Variants in LGSN observed in about 807,000 individuals in gnomAD.
The protein encoded by LGSN is lengsin, lens protein with glutamine synthetase domain, also known as lengsin.
LGSN carries 21 observed loss-of-function variants against 19.5 expected under a neutral mutation model. The ratio of observed to expected loss-of-function variants is 1.07; its 90% confidence interval spans 0.76 to 1.55. LGSN has a LOEUF of 1.55. Among genes scored for constraint, LGSN ranks in the 40% most tolerant of loss-of-function variants. The probability of loss-of-function intolerance (pLI) is 0.00; values close to 1 mark genes in which losing one functional copy is unlikely to be tolerated. For synonymous variants in LGSN, 257 were observed against 215.6 expected (o/e 1.19, Z -1.68); for missense variants, 673 against 608.5 (o/e 1.11, Z -1.12).
the LGSN span, chr6:63,549,070 G>A: frequency 1.4e-6 from 1 of 716,110 alleles, no homozygotes; most frequent in Non-Finnish European, 2.6e-6. Flanking sequence ...TTATTCTCTA[G>A]CAAGGTGGTG....
chr6:63,358,740 A>G, the LGSN span, among the ~76,000 whole-genome samples: 19,902 of 152,124 alleles, frequency 0.13, 2,866 homozygotes, highest in African/African-American at 0.36. Context: ...GGGCTGAGAC[A>G]ATGGGGTTTT....
chr6:63,528,090 T>C, the LGSN span: 1 of 152,200 alleles, frequency 6.6e-6, no homozygotes, highest in African/African-American at 2.4e-5. Context: ...GGCAGGTAAG[T>C]GTGACTTCCT....
chr6:63,412,487 A>AG, the LGSN span, among the ~76,000 whole-genome samples: 115 of 67,348 alleles, frequency 1.7e-3, 2 homozygotes, highest in African/African-American at 5.8e-3. Flanking sequence ...GAAAGAGAAG[A>AG]AAGAAAGAAA....
the LGSN span, among the ~76,000 whole-genome samples, chr6:63,420,578 C>T: frequency 6.6e-6 from 1 of 152,130 alleles, no homozygotes; most frequent in East Asian, 1.9e-4. Context: ...TCATTAGAGG[C>T]CTAGTTAGGA....
the LGSN span, among the ~76,000 whole-genome samples, chr6:63,472,665 G>A: frequency 1.3e-5 from 2 of 152,188 alleles, no homozygotes; most frequent in African/African-American, 2.4e-5. Context: ...TTCGGGCCGG[G>A]CGCGGTGGCT....
At chr6:63,282,308 A>T (rs536479559) in intron 3 of LGSN, among the ~76,000 whole-genome samples, 1 of 152,118 alleles carries the variant, frequency 6.6e-6, no homozygotes, top group Non-Finnish European at 1.5e-5. Flanking sequence ...TTAATAAAAC[A>T]CTCTAACAAT....
In LGSN at chr6:63,285,683, T is replaced by C. The variant is rs1307713736; in HGVS notation, c.234A>G (p.Gln78=). The C allele has an allele frequency of 6.2e-7, 1 of 1,613,914 alleles. No individual in the cohort carries two copies. The highest frequency in any genetic ancestry group is 1.7e-5 in the Admixed American group (1 of 60,004). ...ACTGGAGGCGATTTTTGGCCATGGCTTGTCTAATGTGTTTCATTCTAGAAG... is the reference window on the plus strand; with the variant it reads ...ACTGGAGGCGATTTTTGGCCATGGCCTGTCTAATGTGTTTCATTCTAGAAG... The part of the protein sequence containing the change: ...QLSSRMKHIR[Q]AMAKNRLQFV... The change falls in exon 3 of 4, where the codon CAA becomes CAG. Residue 78 remains glutamine, a synonymous_variant. Coordinates refer to ENST00000370657, the MANE Select transcript of LGSN (RefSeq NM_016571.3).
chr6:63,355,700 C>T, the LGSN span, among the ~76,000 whole-genome samples: 1,283 of 152,160 alleles, frequency 8.4e-3, 13 homozygotes, highest in Non-Finnish European at 0.015. Context: ...TGTTTTGAGA[C>T]GGAGTTTCAC....
At chr6:63,316,257 C>A (rs551558206) in intron 1 of LGSN, among the ~76,000 whole-genome samples, 1 of 152,184 alleles carries the variant, frequency 6.6e-6, no homozygotes, top group South Asian at 2.1e-4. Flanking sequence ...ACTGAGAGCT[C>A]TGTGTGAAAG....
At chr6:63,286,344 GT>G (rs555317544) in intron 2 of LGSN, among the ~76,000 whole-genome samples, 9 of 151,872 alleles carry the variant, frequency 5.9e-5, no homozygotes, top group Non-Finnish European at 1.3e-4. Flanking sequence ...AAAAGTGTGG[GT>G]TTTTTTTAAG....
chr6:63,508,617 T>C, the LGSN span, among the ~76,000 whole-genome samples: 2 of 152,052 alleles, frequency 1.3e-5, no homozygotes, highest in Non-Finnish European at 2.9e-5. Flanking sequence ...GAGATGGTTA[T>C]GTTATAAGAG....
chr6:63,319,629 T>G lies in LGSN; in HGVS notation c.30+285A>C, dbSNP rs1272988757. ...ACCAAAATAGAAATAAATTTTTTTATAGCATACTTATGCTTCTGAAACTCA... is the reference window on the plus strand; with the variant it reads ...ACCAAAATAGAAATAAATTTTTTTAGAGCATACTTATGCTTCTGAAACTCA... On this transcript the variant is annotated intron_variant, in intron 1 of 3. Coordinates refer to ENST00000370657, the MANE Select transcript of LGSN (RefSeq NM_016571.3). Among the ~76,000 whole-genome samples, 3 of 152,180 alleles carry G rather than the reference T, an allele frequency of 2.0e-5. No individual in the cohort carries two copies. In the South Asian group the frequency reaches 6.2e-4, roughly 31 times the overall value.
chr6:63,504,051 C>T, the LGSN span, among the ~76,000 whole-genome samples: 1 of 152,056 alleles, frequency 6.6e-6, no homozygotes, highest in Non-Finnish European at 1.5e-5. Flanking sequence ...GAATGCTGAA[C>T]AGTCACACAT....
the LGSN span, among the ~76,000 whole-genome samples, chr6:63,337,736 T>G: frequency 6.9e-6 from 1 of 144,050 alleles, no homozygotes; most frequent in African/African-American, 2.6e-5. Flanking sequence ...CCCAGGAAGT[T>G]GAGCCTGCAG....
At chr6:63,281,785 A>C (rs1227872347) in intron 3 of LGSN, among the ~76,000 whole-genome samples, 1 of 152,206 alleles carries the variant, frequency 6.6e-6, no homozygotes, top group Non-Finnish European at 1.5e-5. Flanking sequence ...TGACAGCTGC[A>C]TTCCTCTCTT....
At chr6:63,531,446 G>T in the LGSN span, among the ~76,000 whole-genome samples, 1 of 149,536 alleles carries the variant, frequency 6.7e-6, no homozygotes, top group African/African-American at 2.5e-5. Context: ...TGCCTACATA[G>T]ACATCACAAA....
chr6:63,558,419 A>G, the LGSN span, among the ~76,000 whole-genome samples: 15 of 152,314 alleles, frequency 9.8e-5, no homozygotes, highest in East Asian at 2.7e-3. Context: ...AGAATGTGGT[A>G]GCCAGTCAGA....
the LGSN span, among the ~76,000 whole-genome samples, chr6:63,459,764 A>G: frequency 6.6e-6 from 1 of 152,116 alleles, no homozygotes; most frequent in Non-Finnish European, 1.5e-5. Flanking sequence ...AAATACAAAA[A>G]TTAGCCAGGC....
chr6:63,497,364 C>T, the LGSN span, among the ~76,000 whole-genome samples: 1 of 152,028 alleles, frequency 6.6e-6, no homozygotes, highest in Non-Finnish European at 1.5e-5. Context: ...GCCTGACCAA[C>T]ATGGTGAAAG....
Sources: gnomAD v4.1 joint callset for allele counts (sites outside exome capture counted in the v4.1 genomes callset) on GRCh38, gnomAD v4.1.1 for gene constraint, MANE v1.5 for transcripts, NCBI Gene and HGNC (gene_info 2026-07-23, HGNC 2026-07-21) for gene names.